SYNPO2: variants seen among roughly 807,000 people sequenced by gnomAD.
The protein encoded by SYNPO2 is synaptopodin-2.
In SYNPO2, 56 loss-of-function variants were observed where a neutral mutation model predicts 85.0. The observed-to-expected ratio is 0.66, with a 90% CI of 0.53 to 0.82. The LOEUF (loss-of-function observed/expected upper bound fraction) is 0.82. Ranked by LOEUF, SYNPO2 falls within the 40% of genes least tolerant of loss-of-function variation. The pLI, the probability that SYNPO2 is intolerant of heterozygous loss-of-function variation, is 0.00. For missense variants in SYNPO2, 1,575 were observed against 1,534.2 expected (o/e 1.03, Z -0.44); for synonymous variants, 602 against 591.1 (o/e 1.02, Z -0.27).
intron 1 of SYNPO2, among the ~76,000 whole-genome samples, chr4:118,998,405 A>G (rs968486702): frequency 3.3e-5 from 5 of 152,164 alleles, no homozygotes; most frequent in Non-Finnish European, 7.4e-5. Context: ...TATTTTAGGT[A>G]TTTTCTATGT....
At chr4:119,001,183 GCCCTATGGC>G (rs1293356815) in intron 1 of SYNPO2, among the ~76,000 whole-genome samples, 1 of 152,082 alleles carries the variant, frequency 6.6e-6, no homozygotes, top group Non-Finnish European at 1.5e-5. Flanking sequence ...CAGTGTCCTA[GCCCTATGGC>G]CCTTCCATAC....
chr4:118,948,353 A>T (rs546666406), intron 1 of SYNPO2, among the ~76,000 whole-genome samples: 2 of 152,224 alleles, frequency 1.3e-5, no homozygotes, highest in African/African-American at 2.4e-5. Context: ...CTGAGTCTAC[A>T]TGGGGAATCC....
intron 1 of SYNPO2, among the ~76,000 whole-genome samples, chr4:118,977,161 G>C (rs989232229): frequency 6.6e-6 from 1 of 152,256 alleles, no homozygotes; most frequent in African/African-American, 2.4e-5. Flanking sequence ...GGGAGGCTCA[G>C]GCATGGCGGG....
intron 1 of SYNPO2, chr4:119,006,489 A>G (rs747404112): frequency 5.3e-5 from 8 of 152,244 alleles, no homozygotes; most frequent in Non-Finnish European, 8.8e-5. Context: ...CTCAGAATTT[A>G]TAAACTACAG....
chr4:119,049,869 C>G (rs565967017), intron 4 of SYNPO2, among the ~76,000 whole-genome samples: 3 of 152,164 alleles, frequency 2.0e-5, no homozygotes, highest in Admixed American at 6.5e-5. Context: ...CATCTAAATG[C>G]GATGCACTGT....
chr4:118,876,240 A>G (rs564796536), intron 1 of SYNPO2, among the ~76,000 whole-genome samples: 1 of 152,148 alleles, frequency 6.6e-6, no homozygotes, highest in Non-Finnish European at 1.5e-5. Flanking sequence ...ACTAGTCTTC[A>G]TCTGTTCTTC....
chr4:119,008,361 T>A (rs937802859), intron 1 of SYNPO2, among the ~76,000 whole-genome samples: 3 of 151,864 alleles, frequency 2.0e-5, no homozygotes, highest in Non-Finnish European at 4.4e-5. Flanking sequence ...ACTAAGTGAA[T>A]GAATGAATAC....
Position 118,883,837 on chromosome 4 carries a change from G to A in SYNPO2, c.12+32897G>A, listed in dbSNP as rs150742987. On this transcript the variant is annotated intron_variant, in intron 1 of 4. Coordinates refer to the SYNPO2 transcript ENST00000610556. The stretch of plus-strand genomic sequence containing the variant: ...TTATTTCTCAGTTTCACCCTGTTAG[G>A]TCTGGGATTTGATTTTACTGTCTTT... Among the ~76,000 whole-genome samples, 14 of 152,054 alleles carry A rather than the reference G, an allele frequency of 9.2e-5. No homozygotes were observed. In the East Asian group the frequency reaches 2.1e-3, roughly 23 times the overall value.
chr4:118,990,532 G>A (rs1736378325), intron 1 of SYNPO2, among the ~76,000 whole-genome samples: 1 of 152,208 alleles, frequency 6.6e-6, no homozygotes, highest in Non-Finnish European at 1.5e-5. Context: ...TTACCTTCCA[G>A]ACAGAGTGAC....
At chr4:118,927,722 A>AGAT (rs1553938481) in intron 1 of SYNPO2, among the ~76,000 whole-genome samples, 4 of 89,526 alleles carry the variant, frequency 4.5e-5, no homozygotes, top group African/African-American at 1.2e-4. Context: ...ATAGATAGAT[A>AGAT]GATAGATAGA....
At chr4:118,882,431 C>T (rs371609542) in intron 1 of SYNPO2, among the ~76,000 whole-genome samples, 1 of 151,984 alleles carries the variant, frequency 6.6e-6, no homozygotes, top group Admixed American at 6.6e-5. Flanking sequence ...GTAAAACATG[C>T]GATATTTATT....
chr4:119,031,379 G>T lies in SYNPO2; in HGVS notation c.2604G>T (p.Met868Ile). 1 of 1,614,144 alleles carries T rather than the reference G, an allele frequency of 6.2e-7. No homozygotes were observed. Among genetic ancestry groups the T allele is most frequent in the Non-Finnish European group, 8.5e-7 (1 of 1,180,032 alleles). Residue 868 changes from methionine (M) to isoleucine (I), a missense_variant, in exon 4 of 5, where the codon ATG (methionine) becomes ATT (isoleucine). Met to Ile is a conservative substitution (Grantham distance 10, BLOSUM62 1). Transcript: ENST00000307142. The stretch of plus-strand genomic sequence containing the variant: ...GACCATCCAATGAGCTTCCAGGAAT[G>T]AGTGGGAGAGGAGCTCAGCTCTTTG... ...AVGPSNELPGMSGRGAQLFAK... is the reference protein window; with the variant it reads ...AVGPSNELPGISGRGAQLFAK...
intron 1 of SYNPO2, among the ~76,000 whole-genome samples, chr4:118,901,732 A>G (rs891794132): frequency 1.3e-5 from 2 of 152,236 alleles, no homozygotes; most frequent in African/African-American, 4.8e-5. Context: ...TGAATTGACG[A>G]GAAACCCTCC....
chr4:118,953,581 A>G (rs766892977), intron 1 of SYNPO2, among the ~76,000 whole-genome samples: 4 of 148,288 alleles, frequency 2.7e-5, no homozygotes, highest in Non-Finnish European at 5.9e-5. Flanking sequence ...GGAGGACTCA[A>G]TCTTCCTTGA....
chr4:118,898,934 T>A (rs1232788732), intron 1 of SYNPO2, among the ~76,000 whole-genome samples: 1 of 152,194 alleles, frequency 6.6e-6, no homozygotes, highest in Non-Finnish European at 1.5e-5. Flanking sequence ...CCTGGCACCT[T>A]CCCTAAAATG....
chr4:118,864,652 T>C (rs765071571), intron 1 of SYNPO2, among the ~76,000 whole-genome samples: 7 of 152,200 alleles, frequency 4.6e-5, no homozygotes, highest in African/African-American at 9.7e-5. Flanking sequence ...TTATTTACAA[T>C]TGTTTTAGCC....
intron 1 of SYNPO2, among the ~76,000 whole-genome samples, chr4:118,926,241 C>T (rs954048810): frequency 6.6e-6 from 1 of 152,112 alleles, no homozygotes; most frequent in Non-Finnish European, 1.5e-5. Context: ...TACAACTCTT[C>T]CTCCTGTGAG....
chr4:119,029,789 G>A lies in SYNPO2; in HGVS notation c.1070-56G>A, dbSNP rs971940748. 1.0e-5 allele frequency: 15 copies of A among 1,479,598 alleles called. No homozygotes were observed. In the African/African-American group the frequency reaches 2.1e-4, roughly 21 times the overall value. The allele number at this position is 1,479,598 out of a possible 1,614,324, so 91.7% of individuals were successfully genotyped here. ...GAGAGTTCATTTCTGAGTTGCTGTG[G>A]TGTCTTCCTTGAACTCATCAGCTCA... On this transcript the variant is annotated intron_variant, in intron 3 of 4. Coordinates refer to ENST00000307142, the MANE Select transcript of SYNPO2 (RefSeq NM_133477.3).
At chr4:118,914,945 T>C (rs1407880895) in intron 1 of SYNPO2, among the ~76,000 whole-genome samples, 1 of 151,576 alleles carries the variant, frequency 6.6e-6, no homozygotes, top group African/African-American at 2.4e-5. Flanking sequence ...ATGTTTTATA[T>C]ACTTCATTTT....
Sources: allele counts gnomAD v4.1 joint callset (sites outside exome capture counted in the v4.1 genomes callset), GRCh38; gene constraint gnomAD v4.1.1; transcripts MANE v1.5; gene names NCBI Gene and HGNC (gene_info 2026-07-23, HGNC 2026-07-21).